The following ODAD2 variants were observed in gnomAD, a reference collection of about 807,000 sequenced individuals.
The protein encoded by ODAD2 is outer dynein arm docking complex subunit 2.
ODAD2 carries 89 observed loss-of-function variants against 106.8 expected under a neutral mutation model. The ratio of observed to expected loss-of-function variants is 0.83; its 90% CI spans 0.70 to 0.99. ODAD2 has a LOEUF of 0.99. Ranked by LOEUF, ODAD2 falls within the 50% of genes least tolerant of loss-of-function variation. The pLI is 0.00. For synonymous variants in ODAD2, 404 were observed against 436.2 expected, an observed-to-expected ratio of 0.93 and a Z score of 0.92; for missense variants, 1,168 against 1,238.5, an observed-to-expected ratio of 0.94 and a Z score of 0.85.
At chr10:27,911,926 G>A (rs187952276) in intron 16 of ODAD2, among the ~76,000 whole-genome samples, 1 of 152,220 alleles carries the variant, frequency 6.6e-6, no homozygotes, top group African/African-American at 2.4e-5. Context: ...GACAGCCTTT[G>A]CTTACTCTTT....
intron 19 of ODAD2, among the ~76,000 whole-genome samples, chr10:27,817,784 G>A (rs557909824): frequency 6.6e-6 from 1 of 152,172 alleles, no homozygotes; most frequent in East Asian, 1.9e-4. Context: ...TGTGAATAGT[G>A]CCGCAATACA....
intron 1 of ODAD2, among the ~76,000 whole-genome samples, chr10:27,997,829 T>C (rs1179478275): frequency 6.6e-6 from 1 of 152,212 alleles, no homozygotes; most frequent in Non-Finnish European, 1.5e-5. Flanking sequence ...CCAAGCTCTT[T>C]TGGCTTAAGA....
intron 10 of ODAD2, among the ~76,000 whole-genome samples, chr10:27,960,898 C>G (rs1447495065): frequency 6.6e-6 from 1 of 152,158 alleles, no homozygotes; most frequent in African/African-American, 2.4e-5. Context: ...TACTTAATAT[C>G]TGACGTCAGA....
intron 9 of ODAD2, 85 bp from the exon 10 acceptor site, chr10:27,961,800 C>T (rs960240437): frequency 1.7e-6 from 2 of 1,185,736 alleles, no homozygotes; most frequent in Non-Finnish European, 2.4e-6. Context: ...TGCAGTGGCT[C>T]ATGCCTATAA....
At chr10:27,920,477 C>T (rs542790354) in intron 16 of ODAD2, among the ~76,000 whole-genome samples, 2 of 152,126 alleles carry the variant, frequency 1.3e-5, no homozygotes, top group South Asian at 4.2e-4. Flanking sequence ...AAATAAAACC[C>T]ACATAATCTT....
At chr10:27,983,007 G>C (rs1042220865) in intron 6 of ODAD2, among the ~76,000 whole-genome samples, 1 of 152,214 alleles carries the variant, frequency 6.6e-6, no homozygotes, top group Non-Finnish European at 1.5e-5. Flanking sequence ...GCTAAAGGAA[G>C]ACTGAAAGGC....
At chr10:27,980,873 C>T (rs1230848600) in intron 7 of ODAD2, among the ~76,000 whole-genome samples, 1 of 152,100 alleles carries the variant, frequency 6.6e-6, no homozygotes, top group African/African-American at 2.4e-5. Flanking sequence ...TACCTGTACA[C>T]CAATATTCAT....
In ODAD2 at chr10:27,874,511, T is replaced by C. The variant is rs1005203806; in HGVS notation, c.2611-11889A>G. On this transcript the variant is annotated intron_variant, in intron 17 of 19. Coordinates refer to ENST00000305242, the MANE Select transcript of ODAD2 (RefSeq NM_018076.5). ...CTGGTACCAGCTGTTCCTTTCCATG[T>C]TTAGTGCTTCCTTCAGGAGCTTTTG... Among the ~76,000 whole-genome samples the C allele has an allele frequency of 2.0e-5, 3 of 152,308 alleles. No individual in the cohort carries two copies. The East Asian group carries it at 5.8e-4, about 29-fold the overall frequency.
At chr10:27,840,084 TAATA>T (rs565812298) in intron 19 of ODAD2, among the ~76,000 whole-genome samples, 44 of 152,268 alleles carry the variant, frequency 2.9e-4, no homozygotes, top group South Asian at 1.5e-3. Context: ...AAAACAATAA[TAATA>T]AATAAAACCA....
At chr10:27,819,421 T>G (rs1430786632) in intron 19 of ODAD2, among the ~76,000 whole-genome samples, 2 of 152,050 alleles carry the variant, frequency 1.3e-5, no homozygotes, top group Non-Finnish European at 2.9e-5. Flanking sequence ...ATGATTGTAC[T>G]CTCTATCTTC....
At chr10:27,916,930 T>G (rs1482570306) in intron 16 of ODAD2, among the ~76,000 whole-genome samples, 1 of 152,054 alleles carries the variant, frequency 6.6e-6, no homozygotes, top group African/African-American at 2.4e-5. Context: ...TAAACAAATC[T>G]ACAATCATGA....
Position 27,923,996 on chromosome 10 carries a change from A to AAGAG in ODAD2, c.2495+11013_2495+11014insCTCT, listed in dbSNP as rs1564508997. Among the ~76,000 whole-genome samples, 40 of 139,722 alleles carry AAGAG rather than the reference A, an allele frequency of 2.9e-4. 2 individuals are homozygous for AAGAG. Among genetic ancestry groups the AAGAG allele is most frequent in the South Asian group, 2.1e-3 (9 of 4,324 alleles). The allele number at this position is 139,722 out of a possible 152,430, so 91.7% of individuals were successfully genotyped here. ...AAAGAAAGAAAGAAAGAAAGAAAGA[A>AAGAG]AGAAAGAAAGAAAGAAAGAAAGAAA... On this transcript the variant is annotated intron_variant, in intron 16 of 19. Coordinates refer to ENST00000305242, the MANE Select transcript of ODAD2 (RefSeq NM_018076.5).
chr10:27,914,938 T>C (rs1462044876), intron 16 of ODAD2, among the ~76,000 whole-genome samples: 1 of 151,848 alleles, frequency 6.6e-6, no homozygotes, highest in Non-Finnish European at 1.5e-5. Context: ...GAGTTCAATG[T>C]CTGTGAAATA....
At chr10:27,915,434 T>C (rs1844290891) in intron 16 of ODAD2, among the ~76,000 whole-genome samples, 1 of 152,068 alleles carries the variant, frequency 6.6e-6, no homozygotes, top group South Asian at 2.1e-4. Flanking sequence ...AAAGGAGCTC[T>C]CCGGGGACTC....
chr10:27,864,690 G>T (rs573683688), intron 17 of ODAD2, among the ~76,000 whole-genome samples: 1 of 151,676 alleles, frequency 6.6e-6, no homozygotes, highest in South Asian at 2.1e-4. Flanking sequence ...CCAAGGAAAA[G>T]AATTTGTCAG....
chr10:27,847,286 C>T (rs369697995), intron 19 of ODAD2, among the ~76,000 whole-genome samples: 15 of 151,894 alleles, frequency 9.9e-5, no homozygotes, highest in African/African-American at 3.2e-4. Context: ...AATCAATAAA[C>T]GTAATCCAGC....
intron 9 of ODAD2, among the ~76,000 whole-genome samples, chr10:27,966,127 G>C (rs948474845): frequency 1.0e-4 from 13 of 126,242 alleles, no homozygotes; most frequent in Admixed American, 7.6e-4. Flanking sequence ...TTGGCACAGA[G>C]AGCCCCAATT....
chr10:27,979,883 T>C (rs1169534394), intron 7 of ODAD2, among the ~76,000 whole-genome samples: 2 of 152,106 alleles, frequency 1.3e-5, no homozygotes, highest in Non-Finnish European at 2.9e-5. Context: ...ATAAACAGTG[T>C]CAAGGAATAC....
chr10:27,971,917 T>C (rs1848889776), intron 7 of ODAD2, among the ~76,000 whole-genome samples: 1 of 152,116 alleles, frequency 6.6e-6, no homozygotes, highest in South Asian at 2.1e-4. Context: ...GTGCTAGAAA[T>C]GTTAAATAAA....
Sources: allele counts gnomAD v4.1 joint callset (sites outside exome capture counted in the v4.1 genomes callset), GRCh38; gene constraint gnomAD v4.1.1; transcripts MANE v1.5; gene names NCBI Gene and HGNC (gene_info 2026-07-23, HGNC 2026-07-21).